The following NCAM2 variants were observed in gnomAD, a reference collection of about 807,000 sequenced individuals.
NCAM2 encodes the protein neural cell adhesion molecule 2, also known as N-CAM-2.
A neutral mutation model predicts 98.1 loss-of-function variants in NCAM2; 30 were observed. The ratio of observed to expected loss-of-function variants is 0.31; its 90% CI spans 0.23 to 0.41. NCAM2 has a LOEUF of 0.41. Ranked by LOEUF, NCAM2 falls within the 10% of genes least tolerant of loss-of-function variation. The probability of loss-of-function intolerance (pLI) is 1.00; values close to 1 mark genes in which losing one functional copy is unlikely to be tolerated. For missense variants in NCAM2, 867 were observed against 1,005.8 expected, an observed-to-expected ratio of 0.86 and a Z score of 1.87; for synonymous variants, 368 against 342.4, an observed-to-expected ratio of 1.07 and a Z score of -0.83.
At chr21:21,321,363 G>C (rs540404373) in intron 5 of NCAM2, among the ~76,000 whole-genome samples, 2 of 151,758 alleles carry the variant, frequency 1.3e-5, no homozygotes, top group South Asian at 2.1e-4. Context: ...TCTGTAGGCT[G>C]TCTGTTCATT....
At chr21:21,337,992 T>C (rs1286845791) in intron 7 of NCAM2, among the ~76,000 whole-genome samples, 4 of 152,076 alleles carry the variant, frequency 2.6e-5, no homozygotes, top group African/African-American at 9.7e-5. Flanking sequence ...TGTGTGTGTA[T>C]GTGTATATAT....
At chr21:21,444,460 C>G (rs1165262277) in intron 12 of NCAM2, among the ~76,000 whole-genome samples, 1 of 145,452 alleles carries the variant, frequency 6.9e-6, no homozygotes, top group Non-Finnish European at 1.5e-5. Context: ...TCTGTCTGGT[C>G]CTGGGCTTTT....
chr21:21,399,334 G>A (rs891128615), intron 9 of NCAM2, among the ~76,000 whole-genome samples: 5 of 152,070 alleles, frequency 3.3e-5, no homozygotes, highest in Admixed American at 6.6e-5. Flanking sequence ...CTGTTTCACT[G>A]TTACACTATT....
chr21:21,400,405 C>A (rs1468450337), intron 9 of NCAM2, among the ~76,000 whole-genome samples: 1 of 152,054 alleles, frequency 6.6e-6, no homozygotes, highest in African/African-American at 2.4e-5. Flanking sequence ...CACATTACAT[C>A]TTGTTTGCAG....
At chr21:21,018,241 A>G (rs1168172484) in intron 1 of NCAM2, among the ~76,000 whole-genome samples, 3 of 152,238 alleles carry the variant, frequency 2.0e-5, no homozygotes, top group Admixed American at 6.5e-5. Context: ...AGAAACTCCC[A>G]ACACACAAGT....
intron 1 of NCAM2, among the ~76,000 whole-genome samples, chr21:21,022,729 GT>G (rs1412139760): frequency 2.6e-5 from 4 of 151,924 alleles, no homozygotes; most frequent in Non-Finnish European, 4.4e-5. Context: ...ATAATAATGA[GT>G]TTTTTTAATG....
At chr21:21,123,015 C>A (rs1018152137) in intron 1 of NCAM2, among the ~76,000 whole-genome samples, 3 of 152,126 alleles carry the variant, frequency 2.0e-5, no homozygotes, top group African/African-American at 7.2e-5. Flanking sequence ...GTAAACACAT[C>A]TCATTGCAGT....
intron 11 of NCAM2, among the ~76,000 whole-genome samples, chr21:21,419,970 C>T (rs2077078013): frequency 6.6e-6 from 1 of 151,992 alleles, no homozygotes; most frequent in African/African-American, 2.4e-5. Flanking sequence ...AGTTTACAGT[C>T]CCACCAACAG....
intron 15 of NCAM2, among the ~76,000 whole-genome samples, chr21:21,485,118 G>A (rs1986236985): frequency 6.6e-6 from 1 of 151,956 alleles, no homozygotes; most frequent in Non-Finnish European, 1.5e-5. Flanking sequence ...TATTAGATGT[G>A]TATCCCAATT....
chr21:21,331,057 A>G (rs1014601526), intron 6 of NCAM2, among the ~76,000 whole-genome samples: 10 of 152,096 alleles, frequency 6.6e-5, no homozygotes, highest in African/African-American at 2.4e-4. Flanking sequence ...ATATTGGAAT[A>G]TATTTCTAAT....
chr21:21,229,802 G>A (rs543995040), intron 1 of NCAM2, among the ~76,000 whole-genome samples: 58 of 151,436 alleles, frequency 3.8e-4, no homozygotes, highest in African/African-American at 1.3e-3. Context: ...GTATGGAAGC[G>A]ATAAGGATTT....
intron 4 of NCAM2, among the ~76,000 whole-genome samples, chr21:21,286,723 A>T (rs1272794818): frequency 1.3e-5 from 2 of 151,890 alleles, no homozygotes; most frequent in Admixed American, 6.6e-5. Flanking sequence ...AGCCTAAAAA[A>T]ATGTACAATC....
chr21:21,034,932 A>G (rs1479863417), intron 1 of NCAM2, among the ~76,000 whole-genome samples: 1 of 152,190 alleles, frequency 6.6e-6, no homozygotes, highest in African/African-American at 2.4e-5. Context: ...GAAATCTCAG[A>G]CTGGACTTCT....
At chr21:21,455,450 C>T (rs1981999010) in intron 12 of NCAM2, among the ~76,000 whole-genome samples, 1 of 151,620 alleles carries the variant, frequency 6.6e-6, no homozygotes, top group Non-Finnish European at 1.5e-5. Context: ...TAGAATAATT[C>T]AAATAAGCAT....
intron 15 of NCAM2, among the ~76,000 whole-genome samples, chr21:21,496,795 T>G (rs1204278195): frequency 2.0e-5 from 3 of 152,100 alleles, no homozygotes; most frequent in African/African-American, 7.2e-5. Context: ...TTGTATATGG[T>G]GAAAGGTAGG....
intron 1 of NCAM2, among the ~76,000 whole-genome samples, chr21:21,090,794 ACT>A (rs1217492307): frequency 1.3e-5 from 2 of 151,808 alleles, no homozygotes; most frequent in African/African-American, 4.8e-5. Context: ...CTCTAGACAA[ACT>A]CTGCCTCAGT....
chr21:21,530,194 T>A (rs928791690), intron 16 of NCAM2, among the ~76,000 whole-genome samples: 61 of 114,430 alleles, frequency 5.3e-4, no homozygotes, highest in African/African-American at 1.8e-3. Context: ...TTTAATTTAA[T>A]TTAATTATAT....
At chr21:21,336,422 G>C (rs548117113) in intron 7 of NCAM2, among the ~76,000 whole-genome samples, 1 of 151,966 alleles carries the variant, frequency 6.6e-6, no homozygotes, top group Admixed American at 6.6e-5. Context: ...TTGTGGGGTG[G>C]GGGGAGTGGG....
At chr21:21,029,158 A>C (rs1354819649) in intron 1 of NCAM2, among the ~76,000 whole-genome samples, 1 of 152,220 alleles carries the variant, frequency 6.6e-6, no homozygotes, top group Non-Finnish European at 1.5e-5. Flanking sequence ...TTCATTAACA[A>C]AGATATGCTT....
Sources: gnomAD v4.1 joint callset for allele counts (sites outside exome capture counted in the v4.1 genomes callset) on GRCh38, gnomAD v4.1.1 for gene constraint, MANE v1.5 for transcripts, NCBI Gene and HGNC (gene_info 2026-07-23, HGNC 2026-07-21) for gene names.